Variants in KAZN observed in about 807,000 individuals in gnomAD.
KAZN encodes kazrin, periplakin interacting protein.
Under a neutral mutation model 87.4 loss-of-function variants are expected in KAZN, and 40 were observed. The ratio of observed to expected loss-of-function variants is 0.46; its 90% confidence interval spans 0.36 to 0.60. KAZN has a LOEUF of 0.60. KAZN is among the 20% of genes least tolerant of loss of function. The probability of loss-of-function intolerance (pLI) is 0.00; values close to 1 mark genes in which losing one functional copy is unlikely to be tolerated. For missense variants in KAZN, 898 were observed against 1,073.9 expected (o/e 0.84, Z 2.29); for synonymous variants, 466 against 458.3 (o/e 1.02, Z -0.22).
In KAZN at chr1:14,068,471, A is replaced by T. The variant is rs144761901; in HGVS notation, c.92-111964A>T. Among the ~76,000 whole-genome samples, 746 of 152,258 alleles carry T rather than the reference A, an allele frequency of 4.9e-3. 2 individuals are homozygous for T. Among genetic ancestry groups the T allele is most frequent in the African/African-American group, 0.017 (719 of 41,544 alleles). On this transcript the variant is annotated intron_variant, in intron 1 of 16. Coordinates refer to the KAZN transcript ENST00000636203. Reference sequence around the variant, plus strand: ...CTCAAACTATGCCCCAAAAGAGTTTAAAAAAAGTCTGCAGTGGGGCCAGGG... The same window carrying T: ...CTCAAACTATGCCCCAAAAGAGTTTTAAAAAAGTCTGCAGTGGGGCCAGGG...
chr1:14,154,435 T>A (rs1645544235), intron 1 of KAZN, among the ~76,000 whole-genome samples: 1 of 152,212 alleles, frequency 6.6e-6, no homozygotes, highest in Admixed American at 6.5e-5. Flanking sequence ...GATCATATCA[T>A]CTACAAACAA....
At chr1:15,091,603 C>T (rs1462322490) in intron 8 of KAZN, among the ~76,000 whole-genome samples, 2 of 152,182 alleles carry the variant, frequency 1.3e-5, no homozygotes, top group African/African-American at 4.8e-5. Flanking sequence ...ACCTGCCTCC[C>T]AAAGTGCTGG....
intron 1 of KAZN, among the ~76,000 whole-genome samples, chr1:13,993,855 G>A (rs12127946): frequency 0.12 from 18,065 of 152,210 alleles, 1,274 homozygotes; most frequent in South Asian, 0.24. Flanking sequence ...AAATTGAACT[G>A]ATATGTACAA....
At chr1:13,943,590 A>G (rs969654586) in intron 1 of KAZN, among the ~76,000 whole-genome samples, 2 of 152,146 alleles carry the variant, frequency 1.3e-5, no homozygotes, top group Non-Finnish European at 2.9e-5. Flanking sequence ...AAAGAAATCT[A>G]CCAAAGGGAG....
chr1:14,122,113 C>T (rs977459327), intron 1 of KAZN, among the ~76,000 whole-genome samples: 4 of 151,956 alleles, frequency 2.6e-5, no homozygotes, highest in Non-Finnish European at 2.9e-5. Context: ...TTGGTGTAGA[C>T]GGGAAGTGCT....
At chr1:14,613,141 A>G (rs1677952503) in intron 1 of KAZN, among the ~76,000 whole-genome samples, 1 of 152,038 alleles carries the variant, frequency 6.6e-6, no homozygotes, top group Admixed American at 6.5e-5. Flanking sequence ...ATGTATAGGT[A>G]CTCTAGACTT....
chr1:14,424,829 C>G lies in KAZN; in HGVS notation c.250-174154C>G, dbSNP rs149486802. Among the ~76,000 whole-genome samples, 14 of 152,276 alleles carry G rather than the reference C, an allele frequency of 9.2e-5. No individual in the cohort carries two copies. The East Asian group carries it at 2.5e-3, about 27-fold the overall frequency. On this transcript the variant is annotated intron_variant, in intron 2 of 16. Transcript: ENST00000636203. Reference sequence around the variant, plus strand: ...CTGTAATTCCAGAGAAAAGAAGGGCCAGATAGATTCCCAGGCCCCATCTGC... The same window carrying G: ...CTGTAATTCCAGAGAAAAGAAGGGCGAGATAGATTCCCAGGCCCCATCTGC...
At chr1:13,927,185 G>C (rs1433699698) in intron 1 of KAZN, among the ~76,000 whole-genome samples, 2 of 152,182 alleles carry the variant, frequency 1.3e-5, no homozygotes, top group Non-Finnish European at 2.9e-5. Flanking sequence ...GCAGTCCTGG[G>C]TTTTGTTAAT....
intron 2 of KAZN, among the ~76,000 whole-genome samples, chr1:14,309,193 T>C (rs1042429641): frequency 2.0e-5 from 3 of 152,168 alleles, no homozygotes; most frequent in Admixed American, 2.0e-4. Flanking sequence ...TATCCCAAAA[T>C]TGCAACAGGA....
intron 1 of KAZN, among the ~76,000 whole-genome samples, chr1:14,130,825 G>A (rs376451665): frequency 7.2e-5 from 11 of 152,166 alleles, no homozygotes; most frequent in African/African-American, 2.4e-4. Flanking sequence ...CTTTAAATAA[G>A]TATCAGTGAT....
chr1:14,266,529 T>TA (rs1372703513), intron 2 of KAZN, among the ~76,000 whole-genome samples: 13 of 152,360 alleles, frequency 8.5e-5, no homozygotes, highest in Admixed American at 3.9e-4. Flanking sequence ...GAAATGCTTT[T>TA]AATACCAAAT....
intron 8 of KAZN, among the ~76,000 whole-genome samples, chr1:15,091,130 TCA>T (rs1259751724): frequency 1.3e-5 from 2 of 152,118 alleles, no homozygotes; most frequent in Admixed American, 6.5e-5. Context: ...ACGGGCACAT[TCA>T]CACACACACT....
intron 2 of KAZN, among the ~76,000 whole-genome samples, chr1:14,293,737 G>T (rs1387308347): frequency 6.6e-6 from 1 of 151,920 alleles, no homozygotes; most frequent in Non-Finnish European, 1.5e-5. Flanking sequence ...CAAGCTCAAG[G>T]TTAATATCTT....
chr1:14,271,060 T>C (rs1294187168), intron 2 of KAZN, among the ~76,000 whole-genome samples: 1 of 152,250 alleles, frequency 6.6e-6, no homozygotes, highest in Non-Finnish European at 1.5e-5. Flanking sequence ...GCCTGGAGGC[T>C]GGAAGTCCAG....
At chr1:14,893,212 G>A (rs1312033491) in intron 1 of KAZN, among the ~76,000 whole-genome samples, 7 of 151,894 alleles carry the variant, frequency 4.6e-5, no homozygotes, top group Admixed American at 1.3e-4. Context: ...CTAAAAATGC[G>A]AAATGTAGCT....
chr1:14,165,897 A>G lies in KAZN; in HGVS notation c.92-14538A>G, dbSNP rs1297505912. On this transcript the variant is annotated intron_variant, in intron 1 of 16. Coordinates refer to the KAZN transcript ENST00000636203. ...CCTGTGACTGCCACACAAGGGCTTCATGAATGGTAACTATTGTCTTGTTTT... is the reference window on the plus strand; with the variant it reads ...CCTGTGACTGCCACACAAGGGCTTCGTGAATGGTAACTATTGTCTTGTTTT... Among the ~76,000 whole-genome samples the G allele has an allele frequency of 2.0e-5, 3 of 152,178 alleles. No individual in the cohort carries two copies. In the East Asian group the frequency reaches 5.8e-4, roughly 29 times the overall value.
At chr1:14,549,467 C>G (rs971328212) in intron 2 of KAZN, among the ~76,000 whole-genome samples, 6 of 152,158 alleles carry the variant, frequency 3.9e-5, no homozygotes, top group Admixed American at 3.9e-4. Context: ...CCCCCCTTAT[C>G]CATACCTGTG....
At chr1:14,861,541 G>A (rs577421437) in intron 1 of KAZN, among the ~76,000 whole-genome samples, 1 of 152,190 alleles carries the variant, frequency 6.6e-6, no homozygotes, top group South Asian at 2.1e-4. Flanking sequence ...ATTGAGTGCT[G>A]AAGTAGACCC....
At chr1:14,017,025 C>T (rs1270152377) in intron 1 of KAZN, among the ~76,000 whole-genome samples, 1 of 152,178 alleles carries the variant, frequency 6.6e-6, no homozygotes, top group Admixed American at 6.5e-5. Flanking sequence ...AGAAGTGCCT[C>T]TCTGAGATGA....
Sources: gnomAD v4.1 joint callset for allele counts (sites outside exome capture counted in the v4.1 genomes callset) on GRCh38, gnomAD v4.1.1 for gene constraint, MANE v1.5 for transcripts, NCBI Gene and HGNC (gene_info 2026-07-23, HGNC 2026-07-21) for gene names.